The following VCF1 variants were observed in gnomAD, a reference collection of about 807,000 sequenced individuals.
VCF1 encodes protein VCF1.
chr17:73,221,419 T>TA, the VCF1 span, among the ~76,000 whole-genome samples: 262 of 148,924 alleles, frequency 1.8e-3, 3 homozygotes, highest in East Asian at 0.041. Flanking sequence ...GACTAGACCC[T>TA]AAAAAAAAAA....
chr17:73,226,676 C>T, the VCF1 span, among the ~76,000 whole-genome samples: 1 of 152,316 alleles, frequency 6.6e-6, no homozygotes. Flanking sequence ...ACTCCCCTTC[C>T]CTCTCACCAC....
At chr17:73,212,515 G>C in the VCF1 span, among the ~76,000 whole-genome samples, 1 of 152,210 alleles carries the variant, frequency 6.6e-6, no homozygotes, top group African/African-American at 2.4e-5. Flanking sequence ...GCAGCCAGCT[G>C]CAACTGTATT....
the VCF1 span, chr17:73,232,298 C>G: frequency 6.3e-7 from 1 of 1,582,082 alleles, no homozygotes; most frequent in Non-Finnish European, 8.6e-7. Flanking sequence ...CTGCTCCGCG[C>G]CCCCCCATGT....
the VCF1 span, among the ~76,000 whole-genome samples, chr17:73,223,969 G>A: frequency 6.6e-6 from 1 of 150,594 alleles, no homozygotes; most frequent in Non-Finnish European, 1.5e-5. Flanking sequence ...AACAGAGGGA[G>A]CCCCTGCCAG....
At chr17:73,228,435 T>G in the VCF1 span, among the ~76,000 whole-genome samples, 1 of 152,190 alleles carries the variant, frequency 6.6e-6, no homozygotes, top group Non-Finnish European at 1.5e-5. Flanking sequence ...GTTTGAATAT[T>G]AGAGAAAATA....
the VCF1 span, chr17:73,227,392 T>C: frequency 2.3e-5 from 18 of 766,490 alleles, no homozygotes; most frequent in African/African-American, 2.7e-4. Flanking sequence ...CAGCATATGA[T>C]ATCCCAATAG....
At chr17:73,229,460 G>C in the VCF1 span, 1 of 985,304 alleles carries the variant, frequency 1.0e-6, no homozygotes, top group South Asian at 4.7e-5. Flanking sequence ...TCTAGGTGCA[G>C]ATTACCAGTT....
chr17:73,229,867 CAAAAAA>C, the VCF1 span, among the ~76,000 whole-genome samples: 12 of 22,622 alleles, frequency 5.3e-4, no homozygotes, highest in Admixed American at 6.8e-4. Flanking sequence ...GACTCCATCT[CAAAAAA>C]AAAAAAAAAA....
the VCF1 span, among the ~76,000 whole-genome samples, chr17:73,215,499 C>T: frequency 6.6e-6 from 1 of 152,128 alleles, no homozygotes; most frequent in Non-Finnish European, 1.5e-5. Flanking sequence ...GTCTTGAACT[C>T]CTGGGCTCAA....
At chr17:73,208,870 G>T in the VCF1 span, 1 of 300,774 alleles carries the variant, frequency 3.3e-6, no homozygotes, top group South Asian at 3.1e-5. Context: ...AGTTATCTGG[G>T]TATACAAGAA....
the VCF1 span, chr17:73,231,940 TCTCCCCTC>T: frequency 1.1e-6 from 1 of 872,638 alleles, no homozygotes; most frequent in Non-Finnish European, 1.7e-6. Flanking sequence ...CGCGCATCCC[TCTCCCCTC>T]CTCCCCCGGC....
the VCF1 span, among the ~76,000 whole-genome samples, chr17:73,222,728 G>A: frequency 6.7e-6 from 1 of 148,392 alleles, no homozygotes; most frequent in Admixed American, 6.8e-5. Flanking sequence ...AGTGAGCTGA[G>A]ATCATGCCAC....
the VCF1 span, among the ~76,000 whole-genome samples, chr17:73,230,042 A>G: frequency 6.6e-6 from 1 of 152,070 alleles, no homozygotes; most frequent in Non-Finnish European, 1.5e-5. Context: ...CACATCTGTA[A>G]TCCCAGCACT....
chr17:73,216,742 T>C, the VCF1 span, among the ~76,000 whole-genome samples: 2 of 152,240 alleles, frequency 1.3e-5, no homozygotes, highest in South Asian at 4.1e-4. Context: ...GACGGGGAAG[T>C]TGAAGTTCAT....
chr17:73,222,776 CAAA>C, the VCF1 span, among the ~76,000 whole-genome samples: 10 of 117,898 alleles, frequency 8.5e-5, no homozygotes, highest in Admixed American at 8.8e-5. Context: ...AACTCTGTCT[CAAA>C]AAAAAAAAAA....
chr17:73,215,042 C>T, the VCF1 span, among the ~76,000 whole-genome samples: 1 of 152,198 alleles, frequency 6.6e-6, no homozygotes, highest in Admixed American at 6.5e-5. Flanking sequence ...TGCGTGTGAT[C>T]TGTGAAATAA....
At chr17:73,226,615 G>A in the VCF1 span, among the ~76,000 whole-genome samples, 1 of 152,148 alleles carries the variant, frequency 6.6e-6, no homozygotes, top group Admixed American at 6.5e-5. Flanking sequence ...TCTGCGTACT[G>A]AAGCACTCTT....
the VCF1 span, among the ~76,000 whole-genome samples, chr17:73,214,445 CA>C: frequency 2.0e-5 from 3 of 152,034 alleles, no homozygotes; most frequent in Non-Finnish European, 4.4e-5. Context: ...GGAACAGGGT[CA>C]AAAAATTTTT....
chr17:73,229,351 A>C, the VCF1 span: 1 of 985,470 alleles, frequency 1.0e-6, no homozygotes, highest in Non-Finnish European at 1.2e-6. Context: ...CATCCCTATC[A>C]GTTCAATCAA....
Sources: gnomAD v4.1 joint callset for allele counts (sites outside exome capture counted in the v4.1 genomes callset) on GRCh38, gnomAD v4.1.1 for gene constraint, MANE v1.5 for transcripts, NCBI Gene and HGNC (gene_info 2026-07-23, HGNC 2026-07-21) for gene names.